Variants in AJAP1 observed in about 807,000 individuals in gnomAD.
AJAP1 encodes adherens junctions associated protein 1, also known as adherens junction-associated protein 1.
A neutral mutation model predicts 35.0 loss-of-function variants in AJAP1; 5 were observed. The ratio of observed to expected loss-of-function variants is 0.14; its 90% CI spans 0.07 to 0.30. The LOEUF (loss-of-function observed/expected upper bound fraction) is 0.30. Ranked by LOEUF, AJAP1 falls within the 10% of genes least tolerant of loss-of-function variation. The pLI, the probability that AJAP1 is intolerant of heterozygous loss-of-function variation, is 1.00. For missense variants in AJAP1, 586 were observed against 571.0 expected (o/e 1.03, Z -0.27); for synonymous variants, 284 against 249.3 (o/e 1.14, Z -1.31).
chr1:4,753,686 C>T (rs1285450934), intron 2 of AJAP1, among the ~76,000 whole-genome samples: 2 of 152,200 alleles, frequency 1.3e-5, no homozygotes, highest in African/African-American at 4.8e-5. Context: ...GATTCTCCTG[C>T]CTCAGCCTCC....
At chr1:4,773,380 A>G (rs1044107879) in intron 4 of AJAP1, among the ~76,000 whole-genome samples, 11 of 152,174 alleles carry the variant, frequency 7.2e-5, no homozygotes, top group African/African-American at 1.7e-4. Flanking sequence ...TGATTTGTTC[A>G]GGGGCCCTGG....
chr1:4,677,105 T>C (rs1255931876), intron 1 of AJAP1, among the ~76,000 whole-genome samples: 1 of 152,174 alleles, frequency 6.6e-6, no homozygotes, highest in Non-Finnish European at 1.5e-5. Context: ...TGCGGTGAGC[T>C]GAGATCGTGC....
chr1:4,749,553 C>T (rs556927800), intron 2 of AJAP1, among the ~76,000 whole-genome samples: 93 of 152,280 alleles, frequency 6.1e-4, no homozygotes, highest in African/African-American at 2.0e-3. Context: ...CCTCCACGGA[C>T]GTGGGGAGGC....
intron 1 of AJAP1, among the ~76,000 whole-genome samples, chr1:4,701,191 G>A (rs75831216): frequency 0.081 from 12,354 of 152,288 alleles, 594 homozygotes; most frequent in South Asian, 0.12. Flanking sequence ...CCTGGGGAAA[G>A]GGGATGGGAG....
intron 5 of AJAP1, among the ~76,000 whole-genome samples, chr1:4,777,131 G>T (rs549880554): frequency 8.5e-5 from 13 of 152,198 alleles, no homozygotes; most frequent in Non-Finnish European, 1.2e-4. Flanking sequence ...TTAATGCCTG[G>T]ACATGAGCGT....
intron 1 of AJAP1, among the ~76,000 whole-genome samples, chr1:4,684,300 G>C (rs888308020): frequency 2.2e-4 from 33 of 152,310 alleles, no homozygotes; most frequent in African/African-American, 7.7e-4. Flanking sequence ...ACATCTCCAG[G>C]TTTAAGAGTT....
intron 2 of AJAP1, among the ~76,000 whole-genome samples, chr1:4,731,531 A>T (rs1344099246): frequency 6.6e-6 from 1 of 152,220 alleles, no homozygotes; most frequent in Non-Finnish European, 1.5e-5. Flanking sequence ...ATTTTGCGTG[A>T]CAGGTAAGAA....
intron 1 of AJAP1, among the ~76,000 whole-genome samples, chr1:4,673,867 A>G (rs1375590312): frequency 6.6e-6 from 1 of 151,992 alleles, no homozygotes; most frequent in Non-Finnish European, 1.5e-5. Context: ...CTCCTGAGCC[A>G]GGAGCGAGAA....
At chr1:4,713,896 A>G (rs1286246290) in intron 2 of AJAP1, among the ~76,000 whole-genome samples, 1 of 152,118 alleles carries the variant, frequency 6.6e-6, no homozygotes, top group African/African-American at 2.4e-5. Flanking sequence ...AAGGGGAGGG[A>G]AGAGAACTGC....
chr1:4,712,152 G>A lies in AJAP1; in HGVS notation c.282G>A (p.Gln94=). 6.4e-7 allele frequency: 1 copy of A among 1,564,018 alleles called. No homozygotes were observed. The highest frequency in any genetic ancestry group is 1.2e-5 in the South Asian group (1 of 85,502). ...TGGAGCGGATCCACGGGCAGATGCAGATGCCTCGAGCCAGACGGGCCCACA... is the reference window on the plus strand; with the variant it reads ...TGGAGCGGATCCACGGGCAGATGCAAATGCCTCGAGCCAGACGGGCCCACA... The part of the protein sequence containing the change: ...PRVERIHGQM[Q]MPRARRAHRP... The change falls in exon 2 of 6, where the codon CAG becomes CAA. Residue 94 remains glutamine, a synonymous_variant. Transcript: ENST00000378191.
chr1:4,707,363 CCCCACA>C, intron 1 of AJAP1, among the ~76,000 whole-genome samples: 1 of 152,184 alleles, frequency 6.6e-6, no homozygotes, highest in Non-Finnish European at 1.5e-5. Flanking sequence ...GTGCAGCTAC[CCCCACA>C]CACAATTCCA....
rs113977097 is a variant in AJAP1, at chr1:4,737,257, A to ATGAGCCTGAGCC, written c.829+24573_829+24584dup. On this transcript the variant is annotated intron_variant, in intron 2 of 5. Transcript: ENST00000378191. ...GCAGAGCAGAGAGTCGGGAAAAAGC[A>ATGAGCCTGAGCC]TGAGCCTGAGCCTGAGCCTGAGCCT... is the stretch of plus-strand genomic sequence containing the variant. 9.9e-5 allele frequency among the ~76,000 whole-genome samples: 15 copies of ATGAGCCTGAGCC among 152,056 alleles called. No homozygotes were observed. In the South Asian group the frequency reaches 2.1e-3, roughly 21 times the overall value.
chr1:4,780,002 G>T (rs1642028770), intron 5 of AJAP1, among the ~76,000 whole-genome samples: 1 of 151,670 alleles, frequency 6.6e-6, no homozygotes, highest in Non-Finnish European at 1.5e-5. Flanking sequence ...AAAATTAGAC[G>T]GGTGTGTGGT....
In AJAP1 at chr1:4,774,391, C is replaced by G. The variant is rs1641901920; in HGVS notation, c.1164-36C>G. On this transcript the variant is annotated intron_variant, in intron 4 of 5. Transcript: ENST00000378191. ...GCCTATCATGTGTCATGGTCAAGTA[C>G]CAGCACGCCAAAGCCCATTTTTCTG... The G allele has an allele frequency of 2.5e-6, 4 of 1,600,546 alleles. No homozygotes were observed. The East Asian group carries it at 8.9e-5, about 36-fold the overall frequency.
At chr1:4,724,130 G>A (rs775587412) in intron 2 of AJAP1, among the ~76,000 whole-genome samples, 5 of 152,226 alleles carry the variant, frequency 3.3e-5, no homozygotes, top group Non-Finnish European at 5.9e-5. Flanking sequence ...GGCCTCCCCA[G>A]GCTGGGGTGG....
chr1:4,765,449 A>T (rs1453017005), intron 2 of AJAP1, among the ~76,000 whole-genome samples: 1 of 108,622 alleles, frequency 9.2e-6, no homozygotes, highest in Non-Finnish European at 1.9e-5. Context: ...GACCAGAGGG[A>T]ATGTTATTTA....
chr1:4,772,921 C>T (rs1641869415), intron 4 of AJAP1, among the ~76,000 whole-genome samples: 1 of 152,150 alleles, frequency 6.6e-6, no homozygotes, highest in East Asian at 1.9e-4. Flanking sequence ...GTCTCTGAGC[C>T]CTGTCAATAA....
At chr1:4,671,966 T>G (rs1017584543) in intron 1 of AJAP1, among the ~76,000 whole-genome samples, 1 of 152,164 alleles carries the variant, frequency 6.6e-6, no homozygotes, top group South Asian at 2.1e-4. Context: ...CACACTGTTC[T>G]CCTTATCTCA....
chr1:4,766,416 T>A (rs1482482881), intron 2 of AJAP1, among the ~76,000 whole-genome samples: 1 of 152,216 alleles, frequency 6.6e-6, no homozygotes. Context: ...ACCACACGAC[T>A]TCTCCCATGT....
Sources: gnomAD v4.1 joint callset for allele counts (sites outside exome capture counted in the v4.1 genomes callset) on GRCh38, gnomAD v4.1.1 for gene constraint, MANE v1.5 for transcripts, NCBI Gene and HGNC (gene_info 2026-07-23, HGNC 2026-07-21) for gene names.